RABGEF1: variants seen among roughly 807,000 people sequenced by gnomAD.
RABGEF1 encodes the protein rab5 GDP/GTP exchange factor.
RABGEF1 carries 26 observed loss-of-function variants against 57.3 expected under a neutral mutation model. The observed-to-expected ratio is 0.45, with a 90% CI of 0.33 to 0.63. The LOEUF is 0.63. RABGEF1 is among the 20% of genes least tolerant of loss of function. The pLI is 0.02. For synonymous variants in RABGEF1, 185 were observed against 210.7 expected (o/e 0.88, Z 1.06); for missense variants, 464 against 607.6 (o/e 0.76, Z 2.48).
chr7:66,738,746 A>AG (rs1585054952), upstream of RABGEF1, among the ~76,000 whole-genome samples: 1 of 151,694 alleles, frequency 6.6e-6, no homozygotes, highest in South Asian at 2.1e-4. Context: ...AAAAAAAAAA[A>AG]AAAGAAACAC....
chr7:66,659,496 C>G, the RABGEF1 span, among the ~76,000 whole-genome samples: 1 of 150,506 alleles, frequency 6.6e-6, no homozygotes, highest in Non-Finnish European at 1.5e-5. Flanking sequence ...CACTGCCCAA[C>G]TGGCTGGCCG....
intron 5 of RABGEF1, chr7:66,796,887 C>T (rs1356171386): frequency 2.2e-6 from 1 of 446,168 alleles, no homozygotes; most frequent in Non-Finnish European, 4.5e-6. Flanking sequence ...CCACCGCACC[C>T]AGCTGGTAAG....
In RABGEF1 at chr7:66,797,341, T is replaced by C. The variant is rs764678263; in HGVS notation, c.596-33T>C. Reference sequence around the variant, plus strand: ...AAAAAAGAGAGAGAAAAAATATATATATCTTGATCTTTTCTCTGTCTGGTT... The same window carrying C: ...AAAAAAGAGAGAGAAAAAATATATACATCTTGATCTTTTCTCTGTCTGGTT... On this transcript the variant is annotated intron_variant, in intron 5 of 8. Transcript: ENST00000284957. The C allele has an allele frequency of 2.6e-6, 4 of 1,518,538 alleles. No individual in the cohort carries two copies. In the South Asian group the frequency reaches 4.9e-5, roughly 19 times the overall value. The allele number at this position is 1,518,538 out of a possible 1,614,324, so 94.1% of individuals were successfully genotyped here.
intron 1 of RABGEF1, among the ~76,000 whole-genome samples, chr7:66,686,026 C>G (rs1182444022): frequency 6.6e-6 from 1 of 152,136 alleles, no homozygotes; most frequent in African/African-American, 2.4e-5. Context: ...CGCCTGTAAT[C>G]CCAACACTTT....
chr7:66,758,166 G>A (rs753672624), intron 1 of RABGEF1, among the ~76,000 whole-genome samples: 6 of 152,124 alleles, frequency 3.9e-5, no homozygotes, highest in Non-Finnish European at 7.4e-5. Flanking sequence ...GAAGCGGACC[G>A]CCAAGAAGGA....
chr7:66,717,305 T>C (rs538212041), intron 2 of RABGEF1, among the ~76,000 whole-genome samples: 4 of 152,230 alleles, frequency 2.6e-5, no homozygotes, highest in Non-Finnish European at 2.9e-5. Flanking sequence ...CTGGCTATCA[T>C]GTAGGTTCCT....
intron 8 of RABGEF1, among the ~76,000 whole-genome samples, chr7:66,808,666 G>A (rs552948284): frequency 2.1e-4 from 32 of 152,170 alleles, no homozygotes; most frequent in Non-Finnish European, 4.0e-4. Flanking sequence ...TGGGGAGGCT[G>A]CACCCAGACA....
intron 4 of RABGEF1, among the ~76,000 whole-genome samples, chr7:66,787,578 C>T (rs1027846963): frequency 6.6e-6 from 1 of 152,154 alleles, no homozygotes; most frequent in Non-Finnish European, 1.5e-5. Flanking sequence ...CTCCTAGCCT[C>T]ACATGATCCG....
intron 2 of RABGEF1, among the ~76,000 whole-genome samples, chr7:66,733,932 GAGGT>G (rs1797635415): frequency 6.6e-6 from 1 of 152,150 alleles, no homozygotes; most frequent in Admixed American, 6.5e-5. Flanking sequence ...TTGAACCTGG[GAGGT>G]GGAGGTTGCA....
intron 1 of RABGEF1, among the ~76,000 whole-genome samples, chr7:66,684,333 A>C (rs1790259785): frequency 6.6e-6 from 1 of 152,060 alleles, no homozygotes; most frequent in Non-Finnish European, 1.5e-5. Flanking sequence ...AATCCTAGCT[A>C]CTCAGGAGGC....
chr7:66,687,535 T>C (rs899785322), intron 1 of RABGEF1, among the ~76,000 whole-genome samples: 2 of 151,074 alleles, frequency 1.3e-5, no homozygotes, highest in Middle Eastern at 3.5e-3. Flanking sequence ...GAATATAGGC[T>C]ATGAGTGGTG....
intron 2 of RABGEF1, among the ~76,000 whole-genome samples, chr7:66,723,385 T>C (rs575538534): frequency 2.6e-5 from 4 of 152,314 alleles, no homozygotes; most frequent in Admixed American, 2.6e-4. Context: ...ATAATGTGAA[T>C]CTTTAACTTT....
intron 7 of RABGEF1, among the ~76,000 whole-genome samples, chr7:66,804,223 A>G (rs1787937773): frequency 6.6e-6 from 1 of 152,068 alleles, no homozygotes. Context: ...AGTTGGGGCT[A>G]TAGGCACACA....
intron 1 of RABGEF1, among the ~76,000 whole-genome samples, chr7:66,758,272 G>T (rs1803285949): frequency 6.6e-6 from 1 of 152,198 alleles, no homozygotes; most frequent in African/African-American, 2.4e-5. Flanking sequence ...AACACTAATA[G>T]TTCTGTGAGC....
chr7:66,799,315 CTCTT>C lies in RABGEF1; in HGVS notation c.729-6_729-3del, dbSNP rs1216756720. On this transcript the variant is annotated splice_region_variant and splice_polypyrimidine_tract_variant and intron_variant, in intron 6 of 8. Coordinates refer to ENST00000284957, the MANE Select transcript of RABGEF1 (RefSeq NM_014504.3). ...TGGAGCTCTTGTTTACTGTCTCTCT[CTCTT>C]TAGAGCCCTGCGCTGGGTTACGCCT... The C allele has an allele frequency of 6.3e-7, 1 of 1,586,796 alleles. No individual in the cohort carries two copies. The highest frequency in any genetic ancestry group is 1.1e-5 in the South Asian group (1 of 90,304).
intron 1 of RABGEF1, among the ~76,000 whole-genome samples, chr7:66,742,150 C>CA (rs3069894): frequency 0.36 from 53,642 of 148,676 alleles, 9,650 homozygotes; most frequent in Middle Eastern, 0.5. Context: ...GACTCTATCT[C>CA]AAAAAAAAAA....
At chr7:66,758,148 A>T (rs918738622) in intron 1 of RABGEF1, among the ~76,000 whole-genome samples, 26 of 152,208 alleles carry the variant, frequency 1.7e-4, no homozygotes, top group Middle Eastern at 3.2e-3. Flanking sequence ...CATTGAACCC[A>T]GGAATAGGAA....
intron 1 of RABGEF1, among the ~76,000 whole-genome samples, chr7:66,767,085 C>T (rs1420639977): frequency 6.6e-6 from 1 of 150,646 alleles, no homozygotes; most frequent in African/African-American, 2.4e-5. Context: ...TCACTGCAAC[C>T]TCCATCTCCC....
At chr7:66,766,051 T>A (rs1022391704) in intron 1 of RABGEF1, among the ~76,000 whole-genome samples, 4 of 152,210 alleles carry the variant, frequency 2.6e-5, no homozygotes, top group African/African-American at 7.2e-5. Context: ...AGGATGATAA[T>A]GGCAAGATTA....
Sources: allele counts gnomAD v4.1 joint callset (sites outside exome capture counted in the v4.1 genomes callset), GRCh38; gene constraint gnomAD v4.1.1; transcripts MANE v1.5; gene names NCBI Gene and HGNC (gene_info 2026-07-23, HGNC 2026-07-21).